SLC25A12: variants seen among roughly 807,000 people sequenced by gnomAD.
SLC25A12 encodes solute carrier family 25 member 12, also known as electrogenic aspartate/glutamate antiporter SLC25A12, mitochondrial.
In SLC25A12, 32 loss-of-function variants were observed where a neutral mutation model predicts 83.3. That is an observed-to-expected ratio of 0.38 (90% CI 0.29 to 0.52). The LOEUF is 0.52. SLC25A12 is among the 20% of genes least tolerant of loss of function. SLC25A12 has a pLI of 0.84. For synonymous variants in SLC25A12, 267 were observed against 291.1 expected, an observed-to-expected ratio of 0.92 and a Z score of 0.84; for missense variants, 611 against 835.6, an observed-to-expected ratio of 0.73 and a Z score of 3.31.
intron 17 of SLC25A12, 122 bp downstream of exon 17, chr2:171,787,449 T>C (rs1053825385): frequency 6.0e-6 from 5 of 834,500 alleles, no homozygotes; most frequent in Non-Finnish European, 1.1e-5. Context: ...TTTAAATGCA[T>C]TGGTCTTAAA....
chr2:171,845,253 G>A (rs1480111649), intron 4 of SLC25A12, among the ~76,000 whole-genome samples: 1 of 152,110 alleles, frequency 6.6e-6, no homozygotes, highest in Non-Finnish European at 1.5e-5. Context: ...CCCTCTGGCA[G>A]CTTGTCTTCA....
chr2:171,863,631 T>C (rs976280992), intron 3 of SLC25A12, among the ~76,000 whole-genome samples: 1 of 151,970 alleles, frequency 6.6e-6, no homozygotes, highest in African/African-American at 2.4e-5. Context: ...TGAGATAGAA[T>C]AGAGCAGATG....
intron 2 of SLC25A12, among the ~76,000 whole-genome samples, chr2:171,886,612 C>A (rs1685826247): frequency 1.3e-5 from 2 of 151,872 alleles, no homozygotes; most frequent in African/African-American, 4.8e-5. Flanking sequence ...CAGGTTCACG[C>A]CATTCTCCTG....
chr2:171,834,800 C>T lies in SLC25A12; in HGVS notation c.678G>A (p.Leu226=). ...TCTTACGAACAAGCTCCATGTTATT[C>T]AGTAACGAGTTAAATGCATTGAAGT... ...FSYFNAFNSL[L]NNMELVRKIY... The change falls in exon 7 of 18, where the codon CTG becomes CTA. Residue 226 remains leucine (L), a synonymous_variant. Transcript: ENST00000422440. 2 of 1,613,914 alleles carry T rather than the reference C, an allele frequency of 1.2e-6. No homozygotes were observed. Among genetic ancestry groups the T allele is most frequent in the Admixed American group, 1.7e-5 (1 of 59,992 alleles).
chr2:171,786,976 T>A (rs1690500459), intron 17 of SLC25A12, among the ~76,000 whole-genome samples: 2 of 152,220 alleles, frequency 1.3e-5, no homozygotes, highest in Non-Finnish European at 2.9e-5. Flanking sequence ...AAAATCCACA[T>A]AATGAGAACG....
intron 3 of SLC25A12, among the ~76,000 whole-genome samples, chr2:171,867,234 G>C (rs1388988007): frequency 6.6e-6 from 1 of 150,724 alleles, no homozygotes; most frequent in East Asian, 2.0e-4. Context: ...ACGGGGTGGC[G>C]GCCGGGCAGA....
chr2:171,862,145 G>A (rs1573990941), intron 3 of SLC25A12, among the ~76,000 whole-genome samples: 1 of 151,988 alleles, frequency 6.6e-6, no homozygotes, highest in Non-Finnish European at 1.5e-5. Context: ...AAACACTTGG[G>A]GAAAAAGTAG....
chr2:171,819,426 T>C (rs1684135419), intron 9 of SLC25A12, among the ~76,000 whole-genome samples: 1 of 108,364 alleles, frequency 9.2e-6, no homozygotes, highest in African/African-American at 3.3e-5. Flanking sequence ...TTATGTTATA[T>C]ACATAATAAT....
At chr2:171,856,840 T>G (rs2105906671) in intron 3 of SLC25A12, among the ~76,000 whole-genome samples, 1 of 152,236 alleles carries the variant, frequency 6.6e-6, no homozygotes. Flanking sequence ...TATTAAGAAA[T>G]CAATGTTTCT....
chr2:171,891,611 T>C lies in SLC25A12; in HGVS notation c.66+1594A>G, dbSNP rs948663852. Among the ~76,000 whole-genome samples the C allele has an allele frequency of 5.8e-4, 89 of 152,198 alleles. 1 individual carries two copies. The highest frequency in any genetic ancestry group is 2.0e-3 in the African/African-American group (83 of 41,456). ...GTACTCAGATACCTAGGCAGTATTC[T>C]TTTCACTACATCATGCAGCATTTCA... On this transcript the variant is annotated intron_variant, in intron 2 of 17. Transcript: ENST00000422440.
intron 13 of SLC25A12, among the ~76,000 whole-genome samples, chr2:171,801,061 TA>T (rs1683700184): frequency 6.6e-6 from 1 of 152,162 alleles, no homozygotes; most frequent in Non-Finnish European, 1.5e-5. Flanking sequence ...GCTGAATATC[TA>T]AAATCTGTTC....
chr2:171,797,087 C>A (rs1011493146), intron 13 of SLC25A12, among the ~76,000 whole-genome samples: 1 of 152,140 alleles, frequency 6.6e-6, no homozygotes, highest in African/African-American at 2.4e-5. Context: ...TAAATGATAT[C>A]ATTAATAACA....
rs527237602 is a variant in SLC25A12 at position 171,876,190 on chromosome 2, T to G, written c.67-7367A>C. 2.0e-5 allele frequency among the ~76,000 whole-genome samples: 3 copies of G among 152,256 alleles called. No homozygotes were observed. In the South Asian group the frequency reaches 6.2e-4, roughly 32 times the overall value. On this transcript the variant is annotated intron_variant, in intron 2 of 17. Transcript: ENST00000422440. ...CTTACCCTGAGGTATTTTGCCAGTG[T>G]TTTCTCCAGCTCTCCTACTCTATTT...
chr2:171,811,578 G>A (rs961818650), intron 11 of SLC25A12, among the ~76,000 whole-genome samples: 1 of 152,122 alleles, frequency 6.6e-6, no homozygotes, highest in Non-Finnish European at 1.5e-5. Flanking sequence ...ACAGAATAAT[G>A]GACCAGTTGC....
chr2:171,839,063 G>T (rs1039190963), intron 5 of SLC25A12, among the ~76,000 whole-genome samples: 31 of 152,294 alleles, frequency 2.0e-4, no homozygotes, highest in African/African-American at 6.7e-4. Context: ...GGGTACAATA[G>T]ATATTGTAAA....
At position 171,806,852 on chromosome 2, in the gene SLC25A12, C is replaced by T. The variant is rs1466832929; in HGVS notation, c.1305+2754G>A. On this transcript the variant is annotated intron_variant, in intron 13 of 17. Transcript: ENST00000422440. ...CAAAAGCCATAAGGACACCGTACAT[C>T]GTATCACCACCACTACTCAGGATGA... Among the ~76,000 whole-genome samples, 4 of 152,164 alleles carry T rather than the reference C, an allele frequency of 2.6e-5. No homozygotes were observed. In the South Asian group the frequency reaches 8.3e-4, roughly 32 times the overall value.
At chr2:171,793,601 G>A in intron 14 of SLC25A12, 26 bp downstream of exon 14, 1 of 1,610,228 alleles carries the variant, frequency 6.2e-7, no homozygotes, top group Non-Finnish European at 8.5e-7. Flanking sequence ...ATTTTATTGA[G>A]TACATTATAA....
chr2:171,845,843 A>C, intron 4 of SLC25A12: 1 of 455,282 alleles, frequency 2.2e-6, no homozygotes, highest in Non-Finnish European at 4.4e-6. Context: ...AATGGAATGC[A>C]GGATTCATTT....
intron 2 of SLC25A12, among the ~76,000 whole-genome samples, chr2:171,887,882 T>C (rs1459276800): frequency 6.6e-6 from 1 of 152,158 alleles, no homozygotes; most frequent in Non-Finnish European, 1.5e-5. Context: ...CATACTGTTG[T>C]TGTTGATGTT....
Sources: gnomAD v4.1 joint callset for allele counts (sites outside exome capture counted in the v4.1 genomes callset) on GRCh38, gnomAD v4.1.1 for gene constraint, MANE v1.5 for transcripts, NCBI Gene and HGNC (gene_info 2026-07-23, HGNC 2026-07-21) for gene names.